The following BCAS3 variants were observed in gnomAD, a reference collection of about 807,000 sequenced individuals.
BCAS3 encodes the protein BCAS3 microtubule associated cell migration factor, also known as BCAS4/BCAS3 fusion.
A neutral mutation model predicts 116.1 loss-of-function variants in BCAS3; 53 were observed. The observed-to-expected ratio is 0.46, with a 90% CI of 0.37 to 0.57. The LOEUF is 0.57. Among genes scored for constraint, BCAS3 ranks in the 20% least tolerant of loss-of-function variants. The pLI is 0.00. For synonymous variants in BCAS3, 391 were observed against 408.2 expected, an observed-to-expected ratio of 0.96 and a Z score of 0.51; for missense variants, 917 against 1,165.4, an observed-to-expected ratio of 0.79 and a Z score of 3.10.
chr17:60,999,832 C>T (rs2064116711), intron 15 of BCAS3, among the ~76,000 whole-genome samples: 1 of 152,104 alleles, frequency 6.6e-6, no homozygotes, highest in African/African-American at 2.4e-5. Context: ...TTTCTTTCAG[C>T]AGTGTTTTGT....
intron 5 of BCAS3, among the ~76,000 whole-genome samples, chr17:60,722,663 AG>A (rs958862871): frequency 6.6e-6 from 1 of 151,564 alleles, no homozygotes; most frequent in African/African-American, 2.4e-5. Context: ...TTGGAGGCTG[AG>A]GCAGGAGAAT....
chr17:60,875,676 C>T (rs1056602433), intron 9 of BCAS3, among the ~76,000 whole-genome samples: 1 of 151,898 alleles, frequency 6.6e-6, no homozygotes, highest in African/African-American at 2.4e-5. Context: ...CTTAAATATA[C>T]AAATGTCTTC....
chr17:61,202,824 G>T (rs532622916), intron 22 of BCAS3, among the ~76,000 whole-genome samples: 1 of 152,236 alleles, frequency 6.6e-6, no homozygotes, highest in Admixed American at 6.5e-5. Flanking sequence ...AAAAGATGAT[G>T]AGTCAATCGT....
chr17:61,170,292 T>A (rs559187672), intron 22 of BCAS3, among the ~76,000 whole-genome samples: 50 of 150,556 alleles, frequency 3.3e-4, no homozygotes, highest in African/African-American at 1.2e-3. Context: ...GTTTTTGTTT[T>A]TGTTTTTTGG....
At chr17:61,079,909 T>TG (rs1382483657) in intron 21 of BCAS3, among the ~76,000 whole-genome samples, 66 of 136,170 alleles carry the variant, frequency 4.8e-4, no homozygotes, top group Non-Finnish European at 8.3e-4. Context: ...TTTTTTTTTT[T>TG]GAGACTGAGT....
intron 22 of BCAS3, among the ~76,000 whole-genome samples, chr17:61,093,999 A>G (rs758572920): frequency 2.0e-4 from 31 of 152,238 alleles, no homozygotes; most frequent in Admixed American, 7.2e-4. Flanking sequence ...TTTTTATACT[A>G]GTATCAAGTT....
chr17:61,273,521 T>G (rs1234238284), intron 22 of BCAS3, among the ~76,000 whole-genome samples: 2 of 152,134 alleles, frequency 1.3e-5, no homozygotes, highest in Non-Finnish European at 2.9e-5. Context: ...ACCATTTTGA[T>G]GATGATGTGC....
chr17:61,234,246 T>C (rs1033935999), intron 22 of BCAS3, among the ~76,000 whole-genome samples: 1 of 152,198 alleles, frequency 6.6e-6, no homozygotes, highest in African/African-American at 2.4e-5. Context: ...CACTGAGTAC[T>C]AGGATACAGC....
chr17:61,369,580 G>A (rs1386609420), intron 23 of BCAS3, among the ~76,000 whole-genome samples: 2 of 151,522 alleles, frequency 1.3e-5, no homozygotes, highest in South Asian at 2.1e-4. Flanking sequence ...ATGGTCAGGC[G>A]TTTCCCTCAT....
At chr17:60,789,938 C>T (rs9914974) in intron 6 of BCAS3, among the ~76,000 whole-genome samples, 41,802 of 151,590 alleles carry the variant, frequency 0.28, 11,381 homozygotes, top group African/African-American at 0.71. Flanking sequence ...GTTTTCTAAC[C>T]TTGAAATGAG....
At chr17:61,167,302 T>C (rs1395349591) in intron 22 of BCAS3, among the ~76,000 whole-genome samples, 1 of 152,210 alleles carries the variant, frequency 6.6e-6, no homozygotes. Context: ...ATTGTAACAC[T>C]GATAAAGTCC....
chr17:60,865,749 T>G (rs1039867297), intron 7 of BCAS3, among the ~76,000 whole-genome samples: 7 of 152,212 alleles, frequency 4.6e-5, no homozygotes, highest in Non-Finnish European at 4.4e-5. Flanking sequence ...TGCTTTAAAT[T>G]TATTTATCTG....
chr17:60,898,603 G>A (rs1347257933), intron 10 of BCAS3, among the ~76,000 whole-genome samples: 1 of 152,142 alleles, frequency 6.6e-6, no homozygotes, highest in Non-Finnish European at 1.5e-5. Context: ...ATTGGGCTGA[G>A]TGTGCCTATC....
At chr17:60,972,257 C>A (rs1440039907) in intron 14 of BCAS3, among the ~76,000 whole-genome samples, 1 of 152,040 alleles carries the variant, frequency 6.6e-6, no homozygotes, top group African/African-American at 2.4e-5. Context: ...AGGGTCCCAC[C>A]ATTTTATATC....
rs775138437 is a variant in BCAS3 at position 61,070,020 on chromosome 17, G to A, written c.2030-4900G>A. On this transcript the variant is annotated intron_variant, in intron 19 of 23. Transcript: ENST00000407086. ...CGTCACCCACCTTCCGGCAGCCGAA[G>A]ACACTGCGACTCTGGAGACAGCCCA... The A allele has an allele frequency of 8.8e-6, 14 of 1,595,862 alleles. 1 individual carries two copies. The South Asian group carries it at 1.4e-4, about 16-fold the overall frequency.
intron 22 of BCAS3, among the ~76,000 whole-genome samples, chr17:61,252,394 C>G (rs574774508): frequency 2.0e-5 from 3 of 152,224 alleles, no homozygotes; most frequent in African/African-American, 7.2e-5. Flanking sequence ...TCAGCCCCCC[C>G]AGTTCCAGCT....
At chr17:60,897,975 A>G (rs897171069) in intron 10 of BCAS3, among the ~76,000 whole-genome samples, 2 of 151,948 alleles carry the variant, frequency 1.3e-5, no homozygotes, top group Non-Finnish European at 2.9e-5. Context: ...TCTGGGCTCA[A>G]GCAATCTTCC....
intron 5 of BCAS3, among the ~76,000 whole-genome samples, chr17:60,720,806 G>A (rs1165083855): frequency 1.3e-5 from 2 of 152,146 alleles, no homozygotes; most frequent in Non-Finnish European, 2.9e-5. Flanking sequence ...AGCATTGGAG[G>A]TTTTGGTGTC....
rs543186047 is a variant in BCAS3 at position 60,815,446 on chromosome 17, T to TA, written c.476+7379dup. ...TACCCTAGAACTTAAAGTGTAATAA[T>TA]AAAAAAAAAGGAAAAAAAAAAGTCC... On this transcript the variant is annotated intron_variant, in intron 7 of 23. Coordinates refer to ENST00000407086, the MANE Select transcript of BCAS3 (RefSeq NM_017679.5). Among the ~76,000 whole-genome samples, 228 of 144,510 alleles carry TA rather than the reference T, an allele frequency of 1.6e-3. 1 individual carries two copies. The highest frequency in any genetic ancestry group is 2.2e-3 in the Non-Finnish European group (147 of 65,506). The allele number at this position is 144,510 out of a possible 152,430, so 94.8% of individuals were successfully genotyped here.
Sources: allele counts gnomAD v4.1 joint callset (sites outside exome capture counted in the v4.1 genomes callset), GRCh38; gene constraint gnomAD v4.1.1; transcripts MANE v1.5; gene names NCBI Gene and HGNC (gene_info 2026-07-23, HGNC 2026-07-21).